Variants in DZIP3 observed in about 807,000 individuals in gnomAD.
The protein encoded by DZIP3 is DAZ interacting zinc finger protein 3.
Under a neutral mutation model 162.0 loss-of-function variants are expected in DZIP3, and 118 were observed. The ratio of observed to expected loss-of-function variants is 0.73; its 90% CI spans 0.63 to 0.85. The LOEUF (loss-of-function observed/expected upper bound fraction) is 0.85. Among genes scored for constraint, DZIP3 ranks in the 40% least tolerant of loss-of-function variants. DZIP3 has a pLI of 0.00. For missense variants in DZIP3, 1,331 were observed against 1,407.0 expected (o/e 0.95, Z 0.86); for synonymous variants, 438 against 458.6 (o/e 0.96, Z 0.57).
At chr3:108,618,276 T>C (rs1941123145) in intron 5 of DZIP3, among the ~76,000 whole-genome samples, 1 of 152,206 alleles carries the variant, frequency 6.6e-6, no homozygotes, top group Non-Finnish European at 1.5e-5. Context: ...CTGCATCTTA[T>C]CTTGTTCTTA....
chr3:108,617,142 A>G lies in DZIP3; in HGVS notation c.375+485A>G, dbSNP rs368861749. 1.1e-4 allele frequency among the ~76,000 whole-genome samples: 16 copies of G among 152,308 alleles called. 1 individual carries two copies. Among genetic ancestry groups the G allele is most frequent in the Admixed American group, 6.5e-4 (10 of 15,300 alleles). ...ACAGACTGAAGAGATGTTGGTCAAA[A>G]GATACAAAATTTCAGTTAGATGTGA... On this transcript the variant is annotated intron_variant, in intron 5 of 32. Coordinates refer to ENST00000361582, the MANE Select transcript of DZIP3 (RefSeq NM_014648.4).
intron 19 of DZIP3, among the ~76,000 whole-genome samples, chr3:108,654,667 A>G (rs1943029684): frequency 6.6e-6 from 1 of 152,198 alleles, no homozygotes; most frequent in African/African-American, 2.4e-5. Context: ...GTTTTGTAAT[A>G]TAAAGCTGCT....
intron 26 of DZIP3, among the ~76,000 whole-genome samples, chr3:108,681,567 A>G (rs886721497): frequency 1.3e-5 from 2 of 152,126 alleles, no homozygotes; most frequent in Non-Finnish European, 2.9e-5. Context: ...TGACTCAGCA[A>G]TCCCATTACT....
At position 108,644,514 on chromosome 3, in the gene DZIP3, A is replaced by G. The variant is rs760583253; in HGVS notation, c.1492A>G (p.Lys498Glu). 2 of 1,614,114 alleles carry G rather than the reference A, an allele frequency of 1.2e-6. No individual in the cohort carries two copies. Among genetic ancestry groups the G allele is most frequent in the East Asian group, 2.2e-5 (1 of 44,874 alleles). ...GGAACCGCCATCTTCTGACATCTCT[A>G]AATCTGCAGACATCCTGAGACTGTG... ...NMEPPSSDISKSADILRLCKY... is the reference protein window; with the variant it reads ...NMEPPSSDISESADILRLCKY... The change falls in exon 14 of 33, where the codon AAA (lysine) becomes GAA (glutamate). Residue 498 changes from lysine (K) to glutamate (E), a missense_variant. By Grantham distance (56) the Lys-to-Glu change is moderately conservative. This residue lies in a region of DZIP3 where 1,278 missense variants were observed against 1,317.1 expected (regional missense o/e 0.97). Transcript: ENST00000361582.
chr3:108,589,973 A>G (rs757841944), intron 1 of DZIP3, 134 bp downstream of exon 1: 3 of 152,224 alleles, frequency 2.0e-5, no homozygotes, highest in African/African-American at 7.2e-5. Flanking sequence ...ACCTATTGGC[A>G]TTATGTGGCA....
At chr3:108,664,128 C>G (rs928401856) in intron 21 of DZIP3, among the ~76,000 whole-genome samples, 1 of 152,278 alleles carries the variant, frequency 6.6e-6, no homozygotes, top group African/African-American at 2.4e-5. Context: ...GAGGAATGAG[C>G]TGGCAGTAAG....
chr3:108,633,503 C>T (rs529993757), intron 9 of DZIP3, among the ~76,000 whole-genome samples: 29 of 151,876 alleles, frequency 1.9e-4, no homozygotes, highest in African/African-American at 6.8e-4. Flanking sequence ...CTTCTATGGG[C>T]CTTGGCAGGG....
intron 1 of DZIP3, among the ~76,000 whole-genome samples, chr3:108,596,985 A>G (rs1939744712): frequency 1.3e-5 from 2 of 152,208 alleles, no homozygotes; most frequent in Admixed American, 1.3e-4. Flanking sequence ...CCATGTGCCC[A>G]ATATAGCTAA....
At position 108,669,885 on chromosome 3, in the gene DZIP3, A is replaced by G. The variant is rs1943861872; in HGVS notation, c.2492+136A>G. 6.3e-6 allele frequency: 4 copies of G among 637,584 alleles called. No homozygotes were observed. In the South Asian group the frequency reaches 6.4e-5, roughly 10 times the overall value. 39.5% of individuals were successfully genotyped at this position (637,584 alleles called of 1,614,324 possible). ...AGGCTGATATTGAACAGTACTAATA[A>G]TACACTGGGACAAAAGGTGTAAACT... On this transcript the variant is annotated intron_variant, in intron 22 of 32. Transcript: ENST00000361582.
chr3:108,678,011 T>C (rs1944173559), intron 26 of DZIP3, among the ~76,000 whole-genome samples: 1 of 152,016 alleles, frequency 6.6e-6, no homozygotes, highest in South Asian at 2.1e-4. Context: ...TTTATCTGTA[T>C]GTACAGCTGC....
In DZIP3 at chr3:108,589,735, C is replaced by T. The variant is rs1198024286; in HGVS notation, c.-177C>T. On this transcript the variant is annotated 5_prime_UTR_variant, in exon 1 of 33. Coordinates refer to ENST00000361582, the MANE Select transcript of DZIP3 (RefSeq NM_014648.4). ...GGGGGATTCCTCACTCAGCTGTGCG[C>T]TCTGATTTCGTGCGCTTCCTCGTCC... 5.6e-6 allele frequency: 1 copy of T among 179,528 alleles called. No individual in the cohort carries two copies. 11.1% of individuals were successfully genotyped at this position (179,528 alleles called of 1,614,324 possible).
At position 108,598,464 on chromosome 3, in the gene DZIP3, G is replaced by C. The variant is rs1466390552; in HGVS notation, c.-72-6871G>C. On this transcript the variant is annotated intron_variant, in intron 1 of 32. Coordinates refer to ENST00000361582, the MANE Select transcript of DZIP3 (RefSeq NM_014648.4). Reference sequence around the variant, plus strand: ...AATGCAACCCAAGGTAATACACTCAGTTAATACTATATGAAAAGAAACTCT... The same window carrying C: ...AATGCAACCCAAGGTAATACACTCACTTAATACTATATGAAAAGAAACTCT... 2.0e-5 allele frequency among the ~76,000 whole-genome samples: 3 copies of C among 152,290 alleles called. No individual in the cohort carries two copies. In the East Asian group the frequency reaches 5.8e-4, roughly 29 times the overall value.
rs887614313 is a variant in DZIP3, at chr3:108,694,131, G to A, written c.*778G>A. ...TGTTTCCTGACTCAGAAACAATTTT[G>A]CCTCCATATTTCAGTGCAAATATAT... On this transcript the variant is annotated 3_prime_UTR_variant, in exon 33 of 33. Transcript: ENST00000361582. The A allele has an allele frequency of 1.3e-5, 2 of 152,060 alleles. No homozygotes were observed. Among genetic ancestry groups the A allele is most frequent in the Admixed American group, 6.6e-5 (1 of 15,256 alleles). 9.4% of individuals were successfully genotyped at this position (152,060 alleles called of 1,614,324 possible). A position where few individuals can be genotyped will look rare whatever the true frequency, so the allele number is the denominator to read the frequency against.
chr3:108,597,942 C>T (rs1320609513), intron 1 of DZIP3, among the ~76,000 whole-genome samples: 3 of 152,120 alleles, frequency 2.0e-5, no homozygotes, highest in African/African-American at 7.2e-5. Context: ...TTTGAGAGAT[C>T]ATTTAGCCAG....
chr3:108,607,093 T>C (rs1940421272), intron 2 of DZIP3, among the ~76,000 whole-genome samples: 1 of 152,154 alleles, frequency 6.6e-6, no homozygotes, highest in Non-Finnish European at 1.5e-5. Flanking sequence ...CAAGTGGGGC[T>C]TGGAAGTGGA....
intron 21 of DZIP3, among the ~76,000 whole-genome samples, chr3:108,669,027 T>C (rs1179676870): frequency 1.3e-5 from 2 of 152,080 alleles, no homozygotes; most frequent in Non-Finnish European, 2.9e-5. Context: ...TATGTGAATA[T>C]ATGTCAACCA....
At chr3:108,640,163 C>T (rs1942325696) in intron 12 of DZIP3, among the ~76,000 whole-genome samples, 1 of 151,876 alleles carries the variant, frequency 6.6e-6, no homozygotes, top group Non-Finnish European at 1.5e-5. Context: ...GGTGAATGTT[C>T]TACTTGGATT....
At chr3:108,596,937 A>C (rs1011192210) in intron 1 of DZIP3, among the ~76,000 whole-genome samples, 1 of 152,206 alleles carries the variant, frequency 6.6e-6, no homozygotes, top group Non-Finnish European at 1.5e-5. Context: ...CTGCAGTAGA[A>C]AATTGGCACA....
intron 26 of DZIP3, 79 bp downstream of exon 26, chr3:108,677,677 G>GT (rs1944163035): frequency 8.0e-7 from 1 of 1,257,564 alleles, no homozygotes; most frequent in African/African-American, 1.5e-5. Flanking sequence ...TGAATATGCA[G>GT]TATGTTTAAC....
Sources: allele counts gnomAD v4.1 joint callset (sites outside exome capture counted in the v4.1 genomes callset), GRCh38; gene constraint gnomAD v4.1.1; regional missense constraint gnomAD v4.1.1; transcripts MANE v1.5; gene names NCBI Gene and HGNC (gene_info 2026-07-23, HGNC 2026-07-21).